MTMR12: variants seen among roughly 807,000 people sequenced by gnomAD.
MTMR12 encodes the protein myotubularin-related protein 12.
MTMR12 carries 33 observed loss-of-function variants against 96.7 expected under a neutral mutation model. That is an observed-to-expected ratio of 0.34 (90% confidence interval 0.26 to 0.46). The LOEUF (loss-of-function observed/expected upper bound fraction) is 0.46, where lower values mean the gene tolerates loss of function less well. Ranked by LOEUF, MTMR12 falls within the 20% of genes least tolerant of loss-of-function variation. MTMR12 has a pLI of 1.00. For synonymous variants in MTMR12, 298 were observed against 327.2 expected (o/e 0.91, Z 0.96); for missense variants, 721 against 896.1 (o/e 0.80, Z 2.49).
At chr5:32,270,775 C>T (rs778364389) in intron 5 of MTMR12, 42 bp downstream of exon 5, 14 of 1,565,738 alleles carry the variant, frequency 8.9e-6, no homozygotes, top group Non-Finnish European at 1.1e-5. Context: ...GTGGGGAAAA[C>T]CTGATGGGAA....
intron 1 of MTMR12, among the ~76,000 whole-genome samples, chr5:32,291,126 C>T (rs1941975788): frequency 6.6e-6 from 1 of 152,186 alleles, no homozygotes; most frequent in Non-Finnish European, 1.5e-5. Flanking sequence ...TGTTCCCCAG[C>T]CTGCACCGAT....
At chr5:32,295,331 T>C (rs189541079) in intron 1 of MTMR12, among the ~76,000 whole-genome samples, 1 of 152,368 alleles carries the variant, frequency 6.6e-6, no homozygotes, top group Non-Finnish European at 1.5e-5. Flanking sequence ...GAGGCAGACA[T>C]GCAGTAAGAG....
intron 1 of MTMR12, among the ~76,000 whole-genome samples, chr5:32,281,954 A>G (rs1192451184): frequency 6.6e-6 from 1 of 152,058 alleles, no homozygotes; most frequent in Non-Finnish European, 1.5e-5. Flanking sequence ...GGGCATGCAC[A>G]CACAAAAAAG....
At chr5:32,285,706 C>T (rs1369933040) in intron 1 of MTMR12, among the ~76,000 whole-genome samples, 1 of 152,098 alleles carries the variant, frequency 6.6e-6, no homozygotes, top group Non-Finnish European at 1.5e-5. Flanking sequence ...CCATGCTGAG[C>T]CAGAAGCACT....
intron 12 of MTMR12, among the ~76,000 whole-genome samples, chr5:32,240,268 G>A (rs2111998664): frequency 6.6e-6 from 1 of 152,098 alleles, no homozygotes; most frequent in East Asian, 1.9e-4. Context: ...GCATGGTGGT[G>A]CACGCCTGTA....
intron 1 of MTMR12, among the ~76,000 whole-genome samples, chr5:32,285,763 A>G (rs1750518919): frequency 6.6e-6 from 1 of 152,134 alleles, no homozygotes. Context: ...GAATTTGAGA[A>G]CTGCCACCCA....
intron 1 of MTMR12, among the ~76,000 whole-genome samples, chr5:32,279,985 A>C (rs905932406): frequency 2.0e-5 from 3 of 152,206 alleles, no homozygotes. Flanking sequence ...GGGGCTGGGG[A>C]CATACAGGAC....
At chr5:32,253,298 G>C (rs940312772) in intron 8 of MTMR12, among the ~76,000 whole-genome samples, 1 of 152,142 alleles carries the variant, frequency 6.6e-6, no homozygotes, top group Non-Finnish European at 1.5e-5. Context: ...AGGCTATAGT[G>C]GTACTGTGTA....
At position 32,228,538 on chromosome 5, in the gene MTMR12, T is replaced by C. The variant is rs917581232; in HGVS notation, c.*1240A>G. 3 of 140,916 alleles carry C rather than the reference T, an allele frequency of 2.1e-5. No individual in the cohort carries two copies. The highest frequency in any genetic ancestry group is 3.0e-5 in the Non-Finnish European group (2 of 66,020). The allele number at this position is 140,916 out of a possible 1,614,324, so 8.7% of individuals were successfully genotyped here. A position where few individuals can be genotyped will look rare whatever the true frequency, so the allele number is the denominator to read the frequency against. On this transcript the variant is annotated 3_prime_UTR_variant, in exon 16 of 16. Coordinates refer to ENST00000382142, the MANE Select transcript of MTMR12 (RefSeq NM_001040446.3). ...AAAAATATATATCATATATATGATATATATATCATATATATGTGATATATA... is the reference window on the plus strand; with the variant it reads ...AAAAATATATATCATATATATGATACATATATCATATATATGTGATATATA...
chr5:32,231,657 T>C (rs1748001701), intron 15 of MTMR12, among the ~76,000 whole-genome samples: 1 of 152,090 alleles, frequency 6.6e-6, no homozygotes, highest in Admixed American at 6.6e-5. Context: ...GGAATAACAA[T>C]AAAAATATTA....
chr5:32,227,847 G>C lies in MTMR12; in HGVS notation c.*1931C>G, dbSNP rs1024906693. The C allele has an allele frequency of 2.0e-5, 3 of 152,744 alleles. No individual in the cohort carries two copies. Among genetic ancestry groups the C allele is most frequent in the Non-Finnish European group, 4.4e-5 (3 of 68,142 alleles). The allele number at this position is 152,744 out of a possible 1,614,324, so 9.5% of individuals were successfully genotyped here. On this transcript the variant is annotated 3_prime_UTR_variant, in exon 16 of 16. Transcript: ENST00000382142. ...AGACGGAACATGTGTTTGGCCCCCAGATGCACGAATCCTGCCCTCCCCTCA... is the reference window on the plus strand; with the variant it reads ...AGACGGAACATGTGTTTGGCCCCCACATGCACGAATCCTGCCCTCCCCTCA...
Position 32,235,000 on chromosome 5 carries a change from AG to A in MTMR12, c.1473del (p.Phe492SerfsTer25). ...TTTTGATGAGGTGAATTGAAGAAGA[AG>A]GTGCTAAAAATAGGTATATACAGGC... Reference protein sequence around the residue: ...SDSLYIPIFSTFFFNSPHQKD... With the variant: ...SDSLYIPIFSXFFFNSPHQKD... On this transcript the variant is annotated frameshift_variant, in exon 14 of 16. Transcript: ENST00000382142. LOFTEE classifies it high-confidence loss of function. 6.2e-7 allele frequency: 1 copy of A among 1,613,806 alleles called. No homozygotes were observed.
Position 32,270,908 on chromosome 5 carries a change from T to G in MTMR12, c.398A>C (p.Lys133Thr). The G allele has an allele frequency of 6.2e-7, 1 of 1,614,028 alleles. No homozygotes were observed. Among genetic ancestry groups the G allele is most frequent in the East Asian group, 2.2e-5 (1 of 44,874 alleles). Reference sequence around the variant, plus strand: ...GATGATGAGCTTCTCAGGGTATTTCTTCAGTTGTCCAAAGAGAGTTTTCTT... The same window carrying G: ...GATGATGAGCTTCTCAGGGTATTTCGTCAGTTGTCCAAAGAGAGTTTTCTT... ...EKKKTLFGQL[K>T]KYPEKLIIHC... is the part of the protein sequence containing the mutation. The change falls in exon 5 of 16, where the codon AAG becomes ACG. Residue 133 changes from lysine (K) to threonine (T), a missense_variant. Transcript: ENST00000382142.
rs761555500 is a variant in MTMR12 at position 32,312,715 on chromosome 5, G to A, written c.81+43C>T. 3.5e-6 allele frequency: 5 copies of A among 1,418,286 alleles called. No individual in the cohort carries two copies. The highest frequency in any genetic ancestry group is 1.5e-5 in the African/African-American group (1 of 67,154). 87.9% of individuals were successfully genotyped at this position (1,418,286 alleles called of 1,614,324 possible). A position where few individuals can be genotyped will look rare whatever the true frequency, so the allele number is the denominator to read the frequency against. On this transcript the variant is annotated intron_variant, in intron 1 of 15. Transcript: ENST00000382142. This position sits in a 1 kb window ranked among gnomAD's most constrained non-coding sequence, Gnocchi z 5.0. The stretch of plus-strand genomic sequence containing the variant: ...AGGGGCTCCCGGCGCCCCTCGCCCC[G>A]GCCGCCCCTGCCCGACGCCCCGCCT...
chr5:32,257,609 A>G (rs1304569982), intron 7 of MTMR12, among the ~76,000 whole-genome samples: 1 of 152,110 alleles, frequency 6.6e-6, no homozygotes, highest in Non-Finnish European at 1.5e-5. Context: ...AATCTACTAA[A>G]AATACAAAAG....
chr5:32,266,990 G>A (rs1307842486), intron 6 of MTMR12, among the ~76,000 whole-genome samples: 2 of 151,994 alleles, frequency 1.3e-5, no homozygotes, highest in Non-Finnish European at 2.9e-5. Context: ...TGAGGCAGGA[G>A]AATTGCTTGA....
chr5:32,229,990 T>A lies in MTMR12; in HGVS notation c.2032A>T (p.Ile678Phe), dbSNP rs775502012. The A allele has an allele frequency of 5.0e-6, 8 of 1,612,286 alleles. No individual in the cohort carries two copies. The South Asian group carries it at 8.8e-5, about 18-fold the overall frequency. ...MEEVQSLQEK[I>F]DERHHSQQAP... ...TGCTGGCTGTGGTGTCTCTCGTCGA[T>A]CTTCTCTTGTAAACTCTGGACTTCC... The change falls in exon 16 of 16, where the codon ATC becomes TTC. Residue 678 changes from isoleucine to phenylalanine, a missense_variant. Coordinates refer to ENST00000382142, the MANE Select transcript of MTMR12 (RefSeq NM_001040446.3).
At chr5:32,298,960 A>C (rs985550676) in intron 1 of MTMR12, among the ~76,000 whole-genome samples, 4 of 151,480 alleles carry the variant, frequency 2.6e-5, no homozygotes, top group African/African-American at 9.7e-5. Context: ...CTCAAAAAAA[A>C]AAAAAAAAAA....
intron 8 of MTMR12, among the ~76,000 whole-genome samples, chr5:32,253,850 C>T (rs949021095): frequency 6.6e-6 from 1 of 152,178 alleles, no homozygotes; most frequent in Non-Finnish European, 1.5e-5. Context: ...TCTCAAACTC[C>T]CGGGTTCAAG....
Sources: allele counts gnomAD v4.1 joint callset (sites outside exome capture counted in the v4.1 genomes callset), GRCh38; gene constraint gnomAD v4.1.1; non-coding constraint Gnocchi (gnomAD v3.1); transcripts MANE v1.5; gene names NCBI Gene and HGNC (gene_info 2026-07-23, HGNC 2026-07-21).